SYN3: variants seen among roughly 807,000 people sequenced by gnomAD.
SYN3 encodes the protein synapsin-3.
In SYN3, 35 loss-of-function variants were observed where a neutral mutation model predicts 65.8. That is an observed-to-expected ratio of 0.53 (90% CI 0.41 to 0.70). The LOEUF (loss-of-function observed/expected upper bound fraction) is 0.70, where lower values mean the gene tolerates loss of function less well. Ranked by LOEUF, SYN3 falls within the 30% of genes least tolerant of loss-of-function variation. The probability of loss-of-function intolerance (pLI) is 0.00; values close to 1 mark genes in which losing one functional copy is unlikely to be tolerated. For synonymous variants in SYN3, 270 were observed against 292.9 expected (o/e 0.92, Z 0.80); for missense variants, 680 against 749.0 (o/e 0.91, Z 1.08).
intron 6 of SYN3, chr22:32,849,382 G>A (rs952562678): frequency 1.6e-5 from 22 of 1,394,258 alleles, no homozygotes; most frequent in East Asian, 7.2e-5. Flanking sequence ...TAGCGTGCCC[G>A]CCCTGAGATG....
At chr22:32,853,439 C>T (rs1428062219) in intron 6 of SYN3, among the ~76,000 whole-genome samples, 4 of 152,214 alleles carry the variant, frequency 2.6e-5, no homozygotes, top group African/African-American at 9.7e-5. Context: ...GCAACTCATG[C>T]TGTCAATGTA....
chr22:32,524,963 C>T (rs897823116), intron 12 of SYN3, among the ~76,000 whole-genome samples: 6 of 152,088 alleles, frequency 3.9e-5, no homozygotes, highest in Non-Finnish European at 7.3e-5. Context: ...TGCGGTCAGC[C>T]GAGATTGCAC....
At chr22:32,992,278 T>C (rs1414322039) in intron 2 of SYN3, among the ~76,000 whole-genome samples, 1 of 152,232 alleles carries the variant, frequency 6.6e-6, no homozygotes, top group Non-Finnish European at 1.5e-5. Context: ...CCCATTATTT[T>C]TCCCAAATGG....
chr22:32,858,220 C>T, intron 6 of SYN3: 1 of 1,581,156 alleles, frequency 6.3e-7, no homozygotes, highest in Non-Finnish European at 8.6e-7. Flanking sequence ...GCACTGGGTG[C>T]CAGGCCCTCG....
chr22:32,607,403 C>T (rs552086845), intron 6 of SYN3, among the ~76,000 whole-genome samples: 4 of 152,134 alleles, frequency 2.6e-5, no homozygotes, highest in Non-Finnish European at 5.9e-5. Flanking sequence ...CCTCAGTCAA[C>T]GCTGCCACCA....
chr22:32,859,380 G>A (rs373056570), intron 6 of SYN3: 22 of 1,606,482 alleles, frequency 1.4e-5, no homozygotes, highest in African/African-American at 8.0e-5. Flanking sequence ...ACCCCTGAGC[G>A]CCAGACCCTG....
chr22:32,738,816 G>A (rs1389033181), intron 6 of SYN3, among the ~76,000 whole-genome samples: 1 of 152,234 alleles, frequency 6.6e-6, no homozygotes, highest in Non-Finnish European at 1.5e-5. Context: ...GTGTGTGACA[G>A]AGATCAGGCT....
At chr22:32,788,402 A>G (rs1290222216) in intron 6 of SYN3, among the ~76,000 whole-genome samples, 1 of 152,000 alleles carries the variant, frequency 6.6e-6, no homozygotes, top group Non-Finnish European at 1.5e-5. Flanking sequence ...TTAGCTGGGC[A>G]TGGTGGTGTA....
chr22:32,675,296 CA>C lies in SYN3; in HGVS notation c.712-78561del, dbSNP rs1163472857. Among the ~76,000 whole-genome samples, 4 of 152,180 alleles carry C rather than the reference CA, an allele frequency of 2.6e-5. No individual in the cohort carries two copies. The East Asian group carries it at 7.7e-4, about 29-fold the overall frequency. On this transcript the variant is annotated intron_variant, in intron 6 of 13. Coordinates refer to ENST00000358763, the MANE Select transcript of SYN3 (RefSeq NM_003490.4). ...CTTGTCATATATCTTCCAGACCTGA[CA>C]AAATACCCTCACCTAACACAACCCT... is the stretch of plus-strand genomic sequence containing the variant.
Position 32,758,846 on chromosome 22 carries a change from C to A in SYN3, c.711+106069G>T, listed in dbSNP as rs558651260. 9.3e-5 allele frequency among the ~76,000 whole-genome samples: 14 copies of A among 150,720 alleles called. 1 individual carries two copies. The South Asian group carries it at 3.0e-3, about 32-fold the overall frequency. ...ATATGGTGTCTGGTAGGACCAAATC[C>A]AACAGTCCTGTGGGTAGCAGGACAG... On this transcript the variant is annotated intron_variant, in intron 6 of 13. Transcript: ENST00000358763.
intron 6 of SYN3, among the ~76,000 whole-genome samples, chr22:32,675,350 A>G (rs2060425232): frequency 6.6e-6 from 1 of 152,130 alleles, no homozygotes; most frequent in South Asian, 2.1e-4. Context: ...TTTCAAAACC[A>G]CCACCAAATC....
intron 7 of SYN3, among the ~76,000 whole-genome samples, chr22:32,551,251 C>T (rs373954363): frequency 5.3e-5 from 8 of 152,054 alleles, no homozygotes; most frequent in East Asian, 3.9e-4. Context: ...ATCAGGCAGA[C>T]GATACCTGAG....
chr22:32,956,563 C>T (rs779698361), intron 3 of SYN3, among the ~76,000 whole-genome samples: 45 of 152,186 alleles, frequency 3.0e-4, no homozygotes, highest in Non-Finnish European at 2.9e-4. Context: ...ACTTCTATCA[C>T]GTAATATCAT....
chr22:32,542,516 G>T (rs2058272683), intron 7 of SYN3, among the ~76,000 whole-genome samples: 1 of 150,502 alleles, frequency 6.6e-6, no homozygotes, highest in African/African-American at 2.5e-5. Flanking sequence ...GTGGTGTGTA[G>T]TATGCGGTGC....
At chr22:32,580,103 T>C (rs931839668) in intron 7 of SYN3, among the ~76,000 whole-genome samples, 2 of 152,216 alleles carry the variant, frequency 1.3e-5, no homozygotes, top group Non-Finnish European at 2.9e-5. Flanking sequence ...GGTCACTGGG[T>C]ACAGCTTGTG....
chr22:32,575,100 C>T (rs893870710), intron 7 of SYN3, among the ~76,000 whole-genome samples: 2 of 152,244 alleles, frequency 1.3e-5, no homozygotes, highest in South Asian at 4.1e-4. Context: ...GGAATGGCGC[C>T]ATGCCGGGAG....
intron 1 of SYN3, among the ~76,000 whole-genome samples, chr22:33,040,601 C>T (rs1034499814): frequency 6.6e-6 from 1 of 152,140 alleles, no homozygotes; most frequent in African/African-American, 2.4e-5. Context: ...GTGTCCCCAC[C>T]CAAATCTCAT....
At chr22:32,594,626 T>C (rs892335295) in intron 7 of SYN3, among the ~76,000 whole-genome samples, 1 of 152,160 alleles carries the variant, frequency 6.6e-6, no homozygotes, top group African/African-American at 2.4e-5. Flanking sequence ...TAGCTGGAAT[T>C]ACAGGCATGC....
At chr22:33,002,971 T>C (rs769059606) in intron 2 of SYN3, among the ~76,000 whole-genome samples, 2 of 152,166 alleles carry the variant, frequency 1.3e-5, no homozygotes, top group Non-Finnish European at 2.9e-5. Context: ...GCTCTTGTGG[T>C]AGCGAGTTCT....
Sources: allele counts gnomAD v4.1 joint callset (sites outside exome capture counted in the v4.1 genomes callset), GRCh38; gene constraint gnomAD v4.1.1; transcripts MANE v1.5; gene names NCBI Gene and HGNC (gene_info 2026-07-23, HGNC 2026-07-21).